The following ITGB8 variants were observed in gnomAD, a reference collection of about 807,000 sequenced individuals.
The protein encoded by ITGB8 is integrin beta-8.
Under a neutral mutation model 89.5 loss-of-function variants are expected in ITGB8, and 30 were observed. The observed-to-expected ratio is 0.34, with a 90% CI of 0.25 to 0.45. The LOEUF (loss-of-function observed/expected upper bound fraction) is 0.45. ITGB8 is among the 20% of genes least tolerant of loss of function. The probability of loss-of-function intolerance (pLI) is 1.00; values close to 1 mark genes in which losing one functional copy is unlikely to be tolerated. For synonymous variants in ITGB8, 335 were observed against 320.4 expected (o/e 1.05, Z -0.49); for missense variants, 836 against 933.3 (o/e 0.90, Z 1.36).
chr7:20,344,698 G>C (rs1264685759), intron 1 of ITGB8, among the ~76,000 whole-genome samples: 1 of 152,176 alleles, frequency 6.6e-6, no homozygotes, highest in Admixed American at 6.5e-5. Flanking sequence ...CCAGGGAGAC[G>C]CACCCTGAGC....
intron 1 of ITGB8, among the ~76,000 whole-genome samples, chr7:20,359,082 T>C (rs1785402689): frequency 6.6e-6 from 1 of 152,242 alleles, no homozygotes; most frequent in Non-Finnish European, 1.5e-5. Flanking sequence ...ATGTTGTACA[T>C]GTACCACATT....
intron 1 of ITGB8, among the ~76,000 whole-genome samples, chr7:20,351,918 C>T (rs965403326): frequency 1.3e-5 from 2 of 151,816 alleles, no homozygotes; most frequent in Non-Finnish European, 2.9e-5. Context: ...AAACCTATAC[C>T]TGCCAAGAGT....
chr7:20,366,868 T>G (rs1785718375), intron 2 of ITGB8, 144 bp from the exon 3 acceptor site: 1 of 585,134 alleles, frequency 1.7e-6, no homozygotes. Flanking sequence ...GCTTGTGTTT[T>G]TCTTGTAGAA....
intron 6 of ITGB8, among the ~76,000 whole-genome samples, chr7:20,388,795 A>G (rs868640077): frequency 1.3e-5 from 2 of 151,592 alleles, no homozygotes; most frequent in Middle Eastern, 3.4e-3. Flanking sequence ...TAGCCCCCCA[A>G]CCCCTGACAG....
At chr7:20,397,046 C>T (rs1430928921) in intron 8 of ITGB8, among the ~76,000 whole-genome samples, 1 of 152,116 alleles carries the variant, frequency 6.6e-6, no homozygotes, top group Non-Finnish European at 1.5e-5. Flanking sequence ...AATCAATTCA[C>T]AATCCATTGA....
chr7:20,378,843 A>G (rs922682555), intron 3 of ITGB8, among the ~76,000 whole-genome samples: 1 of 152,154 alleles, frequency 6.6e-6, no homozygotes, highest in Non-Finnish European at 1.5e-5. Flanking sequence ...TTGGAGACCA[A>G]TAAATTGGTA....
rs184925670 is a variant in ITGB8, at chr7:20,367,371, C to T, written c.388+185C>T. 3.3e-5 allele frequency among the ~76,000 whole-genome samples: 5 copies of T among 152,302 alleles called. No individual in the cohort carries two copies. The East Asian group carries it at 9.6e-4, about 29-fold the overall frequency. On this transcript the variant is annotated intron_variant, in intron 3 of 13. Transcript: ENST00000222573. Reference sequence around the variant, plus strand: ...CTGCAGCCAGCTGTGTGTCTTCGGACACTGCAAACCTGACCACACTATATT... The same window carrying T: ...CTGCAGCCAGCTGTGTGTCTTCGGATACTGCAAACCTGACCACACTATATT...
chr7:20,354,390 A>G (rs1464125828), intron 1 of ITGB8, among the ~76,000 whole-genome samples: 1 of 152,196 alleles, frequency 6.6e-6, no homozygotes, highest in African/African-American at 2.4e-5. Context: ...AAAACTTTAC[A>G]TTTATTCTGT....
chr7:20,339,743 T>C (rs1784691057), intron 1 of ITGB8, among the ~76,000 whole-genome samples: 1 of 152,186 alleles, frequency 6.6e-6, no homozygotes, highest in African/African-American at 2.4e-5. Context: ...AAAGTTCATT[T>C]TAGGCCAGGC....
chr7:20,357,888 T>C (rs193171357), intron 1 of ITGB8, among the ~76,000 whole-genome samples: 29 of 152,362 alleles, frequency 1.9e-4, no homozygotes, highest in Admixed American at 5.2e-4. Flanking sequence ...TACACACTTA[T>C]TGACAATATG....
At chr7:20,350,296 C>T (rs1310574177) in intron 1 of ITGB8, among the ~76,000 whole-genome samples, 9 of 152,046 alleles carry the variant, frequency 5.9e-5, no homozygotes, top group South Asian at 2.1e-4. Flanking sequence ...TACAGGTGCC[C>T]GCCACCATGT....
intron 1 of ITGB8, among the ~76,000 whole-genome samples, chr7:20,335,664 G>A (rs896103537): frequency 6.6e-5 from 10 of 152,088 alleles, no homozygotes; most frequent in South Asian, 2.1e-4. Flanking sequence ...TCCTCTCTCC[G>A]ATTCTTCTCC....
intron 3 of ITGB8, among the ~76,000 whole-genome samples, chr7:20,372,655 G>A (rs764078522): frequency 3.3e-5 from 5 of 152,136 alleles, no homozygotes; most frequent in Admixed American, 6.5e-5. Flanking sequence ...AGATCATGGG[G>A]AGTAGGAGAG....
chr7:20,336,338 A>T (rs772356882), intron 1 of ITGB8, among the ~76,000 whole-genome samples: 2 of 152,072 alleles, frequency 1.3e-5, no homozygotes, highest in Non-Finnish European at 2.9e-5. Context: ...TTCCACATTG[A>T]CACCTCCAGA....
intron 1 of ITGB8, among the ~76,000 whole-genome samples, chr7:20,335,111 T>G (rs927429030): frequency 1.3e-5 from 2 of 152,182 alleles, no homozygotes; most frequent in African/African-American, 4.8e-5. Flanking sequence ...ACTAAATATT[T>G]TGAAAGAAAT....
chr7:20,356,580 T>C (rs1785302198), intron 1 of ITGB8, among the ~76,000 whole-genome samples: 1 of 152,180 alleles, frequency 6.6e-6, no homozygotes, highest in Admixed American at 6.5e-5. Flanking sequence ...ATTTGTATAG[T>C]AAATGCAATT....
upstream of ITGB8, among the ~76,000 whole-genome samples, chr7:20,330,361 T>A (rs2128121750): frequency 6.6e-6 from 1 of 152,248 alleles, no homozygotes; most frequent in Non-Finnish European, 1.5e-5. Flanking sequence ...ATGCAGCAGC[T>A]GCGGGGCAGT....
At chr7:20,338,887 T>C (rs564610747) in intron 1 of ITGB8, among the ~76,000 whole-genome samples, 2 of 152,236 alleles carry the variant, frequency 1.3e-5, no homozygotes, top group South Asian at 4.1e-4. Context: ...TATTTCCCTC[T>C]ATTATTTTAA....
At chr7:20,376,409 A>G (rs990094517) in intron 3 of ITGB8, among the ~76,000 whole-genome samples, 4 of 152,202 alleles carry the variant, frequency 2.6e-5, no homozygotes, top group Non-Finnish European at 5.9e-5. Context: ...AAAATAGTTT[A>G]TAAGTGGCTC....
Sources: allele counts gnomAD v4.1 joint callset (sites outside exome capture counted in the v4.1 genomes callset), GRCh38; gene constraint gnomAD v4.1.1; transcripts MANE v1.5; gene names NCBI Gene and HGNC (gene_info 2026-07-23, HGNC 2026-07-21).